VMP1: variants seen among roughly 807,000 people sequenced by gnomAD.
VMP1 encodes vacuole membrane protein 1.
Under a neutral mutation model 56.0 loss-of-function variants are expected in VMP1, and 11 were observed. That is an observed-to-expected ratio of 0.20 (90% confidence interval 0.12 to 0.32). VMP1 has a LOEUF of 0.32. Among genes scored for constraint, VMP1 ranks in the 10% least tolerant of loss-of-function variants. VMP1 has a pLI of 1.00. For synonymous variants in VMP1, 149 were observed against 165.0 expected (o/e 0.90, Z 0.74); for missense variants, 296 against 490.3 (o/e 0.60, Z 3.74).
chr17:59,818,966 G>A (rs1050459350), intron 10 of VMP1, among the ~76,000 whole-genome samples: 3 of 152,046 alleles, frequency 2.0e-5, no homozygotes, highest in African/African-American at 7.2e-5. Context: ...AAAAAAGAAT[G>A]CCACTTGATG....
chr17:59,789,117 C>T (rs1455169738), intron 7 of VMP1, among the ~76,000 whole-genome samples: 1 of 150,208 alleles, frequency 6.7e-6, no homozygotes, highest in African/African-American at 2.4e-5. Flanking sequence ...GGTGAAATCC[C>T]GTCTCTACTA....
In VMP1 at chr17:59,841,290, G is replaced by A. The variant is rs1253814784; in HGVS notation, c.*1379G>A. On this transcript the variant is annotated 3_prime_UTR_variant, in exon 12 of 12. Coordinates refer to ENST00000262291, the MANE Select transcript of VMP1 (RefSeq NM_030938.5). ...TTGTCGGGTAGCTTATCAGACTGAT[G>A]TTGACTGTTGAATCTCATGGCAACA... 2 of 513,442 alleles carry A rather than the reference G, an allele frequency of 3.9e-6. No homozygotes were observed. The highest frequency in any genetic ancestry group is 8.2e-6 in the Non-Finnish European group (2 of 243,550). 31.8% of individuals were successfully genotyped at this position (513,442 alleles called of 1,614,324 possible).
chr17:59,752,804 A>G (rs183839556), intron 5 of VMP1, among the ~76,000 whole-genome samples: 14 of 152,288 alleles, frequency 9.2e-5, no homozygotes, highest in Non-Finnish European at 1.6e-4. Flanking sequence ...TAAAATTACA[A>G]TGGATTAGGG....
chr17:59,839,472 T>C (rs1395268751), intron 11 of VMP1: 2 of 308,338 alleles, frequency 6.5e-6, no homozygotes, highest in Admixed American at 9.9e-5. Context: ...GACTTCAGAG[T>C]TGAGTTTAAT....
At chr17:59,825,639 C>T (rs1337988080) in intron 10 of VMP1, among the ~76,000 whole-genome samples, 1 of 152,216 alleles carries the variant, frequency 6.6e-6, no homozygotes, top group Admixed American at 6.5e-5. Context: ...ACAAAGTCCC[C>T]AGTTTTACCA....
chr17:59,722,413 C>T (rs2034436165), intron 1 of VMP1, among the ~76,000 whole-genome samples: 1 of 152,104 alleles, frequency 6.6e-6, no homozygotes, highest in African/African-American at 2.4e-5. Context: ...TCTCTTTTAT[C>T]ATAAAACCAG....
At chr17:59,724,148 G>C (rs1458671305) in intron 1 of VMP1, among the ~76,000 whole-genome samples, 4 of 151,150 alleles carry the variant, frequency 2.6e-5, no homozygotes, top group Non-Finnish European at 5.9e-5. Flanking sequence ...GGAGGTCGAG[G>C]GTGCAGTAAG....
At chr17:59,725,454 G>A (rs1452589860) in intron 1 of VMP1, among the ~76,000 whole-genome samples, 9 of 149,154 alleles carry the variant, frequency 6.0e-5, no homozygotes, top group African/African-American at 2.2e-4. Context: ...AAGCTTTGAA[G>A]TTTTTATAAG....
chr17:59,838,094 A>G, intron 10 of VMP1: 1 of 368,452 alleles, frequency 2.7e-6, no homozygotes, highest in South Asian at 5.0e-5. Flanking sequence ...AGATGGAGTA[A>G]ATTTTCTTTT....
chr17:59,762,780 C>T (rs1303279427), intron 5 of VMP1, among the ~76,000 whole-genome samples: 2 of 152,138 alleles, frequency 1.3e-5, no homozygotes, highest in East Asian at 3.8e-4. Flanking sequence ...CTTGAAAAAA[C>T]ATTCTCAAAT....
intron 1 of VMP1, among the ~76,000 whole-genome samples, chr17:59,727,497 T>C (rs2034654982): frequency 6.6e-6 from 1 of 152,208 alleles, no homozygotes; most frequent in African/African-American, 2.4e-5. Context: ...AAAATGCCTA[T>C]TTCATCCCAT....
At chr17:59,792,330 C>G (rs2037261550) in intron 7 of VMP1, among the ~76,000 whole-genome samples, 1 of 152,068 alleles carries the variant, frequency 6.6e-6, no homozygotes, top group Non-Finnish European at 1.5e-5. Flanking sequence ...GTTGACATTT[C>G]CCATAATAGA....
At chr17:59,809,303 ACTTTTTT>A (rs1192655585) in intron 8 of VMP1, among the ~76,000 whole-genome samples, 1 of 73,732 alleles carries the variant, frequency 1.4e-5, no homozygotes, top group Non-Finnish European at 2.9e-5. Flanking sequence ...GGCCCATTCA[ACTTTTTT>A]TTTTTTTTTT....
intron 7 of VMP1, among the ~76,000 whole-genome samples, chr17:59,791,951 TC>T (rs933922586): frequency 2.0e-5 from 3 of 152,132 alleles, no homozygotes; most frequent in African/African-American, 7.2e-5. Flanking sequence ...CATTTCTTTT[TC>T]CAGGGCCATT....
intron 1 of VMP1, among the ~76,000 whole-genome samples, chr17:59,711,135 C>G (rs1423654697): frequency 7.1e-6 from 1 of 140,694 alleles, no homozygotes; most frequent in Admixed American, 7.1e-5. Context: ...TTTGCTCTTA[C>G]AAAAAAAAAA....
chr17:59,718,901 A>G (rs2034279903), intron 1 of VMP1, among the ~76,000 whole-genome samples: 1 of 152,044 alleles, frequency 6.6e-6, no homozygotes, highest in Non-Finnish European at 1.5e-5. Context: ...CATTCACATT[A>G]TTATGAATTT....
chr17:59,722,663 A>T (rs746608772), intron 1 of VMP1, among the ~76,000 whole-genome samples: 12 of 152,188 alleles, frequency 7.9e-5, no homozygotes, highest in African/African-American at 1.4e-4. Context: ...CAACATGGTG[A>T]AACCCCATCT....
chr17:59,778,473 G>A (rs1328217011), intron 7 of VMP1, among the ~76,000 whole-genome samples: 1 of 151,840 alleles, frequency 6.6e-6, no homozygotes, highest in Non-Finnish European at 1.5e-5. Context: ...AACCTGGGAG[G>A]TGGAGCTTGC....
chr17:59,745,671 A>G (rs1425641605), intron 5 of VMP1, among the ~76,000 whole-genome samples: 1 of 152,210 alleles, frequency 6.6e-6, no homozygotes, highest in Non-Finnish European at 1.5e-5. Context: ...GCTTAACATA[A>G]TCCTCACTTA....
Sources: allele counts gnomAD v4.1 joint callset (sites outside exome capture counted in the v4.1 genomes callset), GRCh38; gene constraint gnomAD v4.1.1; transcripts MANE v1.5; gene names NCBI Gene and HGNC (gene_info 2026-07-23, HGNC 2026-07-21).